DSG2: variants seen among roughly 807,000 people sequenced by gnomAD.
DSG2 encodes the protein desmoglein 2, also known as desmoglein-2.
Under a neutral mutation model 75.6 loss-of-function variants are expected in DSG2, and 45 were observed. The observed-to-expected ratio is 0.60, with a 90% CI of 0.47 to 0.76. The LOEUF (loss-of-function observed/expected upper bound fraction) is 0.76. Among genes scored for constraint, DSG2 ranks in the 30% least tolerant of loss-of-function variants. The probability of loss-of-function intolerance (pLI) is 0.00; values close to 1 mark genes in which losing one functional copy is unlikely to be tolerated. For synonymous variants in DSG2, 429 were observed against 483.9 expected, an observed-to-expected ratio of 0.89 and a Z score of 1.49; for missense variants, 1,267 against 1,357.4, an observed-to-expected ratio of 0.93 and a Z score of 1.05.
chr18:31,539,171 T>C (rs2073250971), intron 12 of DSG2, among the ~76,000 whole-genome samples, 193 bp downstream of exon 12: 1 of 152,188 alleles, frequency 6.6e-6, no homozygotes. Context: ...AGAATTTTGT[T>C]TTATAAATGT....
At chr18:31,541,112 G>A in intron 12 of DSG2, 81 bp from the exon 13 acceptor site, 1 of 1,586,440 alleles carries the variant, frequency 6.3e-7, no homozygotes, top group East Asian at 2.2e-5. Context: ...GAAGGGACAT[G>A]CAAATTCCAA....
chr18:31,508,399 T>G (rs1175474406), intron 1 of DSG2, among the ~76,000 whole-genome samples: 1 of 134,596 alleles, frequency 7.4e-6, no homozygotes, highest in Non-Finnish European at 1.6e-5. Flanking sequence ...TTTATTTTAT[T>G]TTATTTATTC....
At chr18:31,528,134 T>A (rs1022713173) in intron 8 of DSG2, among the ~76,000 whole-genome samples, 11 of 152,030 alleles carry the variant, frequency 7.2e-5, no homozygotes, top group African/African-American at 2.7e-4. Context: ...GCAGGCAGTT[T>A]GACAGTTTCT....
intron 1 of DSG2, among the ~76,000 whole-genome samples, chr18:31,501,982 G>A (rs1166215325): frequency 6.6e-6 from 1 of 152,172 alleles, no homozygotes; most frequent in Non-Finnish European, 1.5e-5. Context: ...ATTAGATGGT[G>A]AATATTGAAG....
Position 31,538,790 on chromosome 18 carries a change from G to A in DSG2, c.1691G>A (p.Gly564Glu). Residue 564 changes from glycine (G) to glutamate (E), a missense_variant, in exon 12 of 15, where the codon GGG becomes GAG. Transcript: ENST00000261590. Reference sequence around the variant, plus strand: ...CTGCAACAAAGTGAGAAAAAGCTTGGGAGAAGTGAAATTCAGTTCCTGATT... The same window carrying A: ...CTGCAACAAAGTGAGAAAAAGCTTGAGAGAAGTGAAATTCAGTTCCTGATT... ...VLLQQSEKKL[G>E]RSEIQFLISD... 6.2e-7 allele frequency: 1 copy of A among 1,614,174 alleles called. No individual in the cohort carries two copies. Among genetic ancestry groups the A allele is most frequent in the Non-Finnish European group, 8.5e-7 (1 of 1,180,040 alleles).
At chr18:31,498,387 CT>C in intron 1 of DSG2, 91 bp downstream of exon 1, 1 of 1,215,698 alleles carries the variant, frequency 8.2e-7, no homozygotes, top group Non-Finnish European at 1.0e-6. Flanking sequence ...GCCCGCCGCC[CT>C]TGTGCGCGTT....
intron 9 of DSG2, among the ~76,000 whole-genome samples, chr18:31,533,991 C>CTTTTTTTTTTTTT (rs55789239): frequency 1.6e-5 from 2 of 125,946 alleles, no homozygotes; most frequent in Non-Finnish European, 1.6e-5. Flanking sequence ...TCTTTTTTTT[C>CTTTTTTTTTTTTT]TTTTTTTTTT....
chr18:31,533,087 A>G (rs955725017), intron 9 of DSG2, among the ~76,000 whole-genome samples: 2 of 152,190 alleles, frequency 1.3e-5, no homozygotes, highest in Non-Finnish European at 2.9e-5. Context: ...GCTCAAACCT[A>G]TTATTTTACA....
At position 31,520,791 on chromosome 18, in the gene DSG2, T is replaced by A. The variant is rs1279432764; in HGVS notation, c.217-12T>A. The A allele has an allele frequency of 1.2e-6, 2 of 1,613,082 alleles. No individual in the cohort carries two copies. Among genetic ancestry groups the A allele is most frequent in the Admixed American group, 1.7e-5 (1 of 59,998 alleles). On this transcript the variant is annotated splice_polypyrimidine_tract_variant and intron_variant, in intron 3 of 14. Coordinates refer to ENST00000261590, the MANE Select transcript of DSG2 (RefSeq NM_001943.5). ...AGTTCAACCTGAAACATTCCTGTTATTTTTATGTTAGATACATTCTGATCT... is the reference window on the plus strand; with the variant it reads ...AGTTCAACCTGAAACATTCCTGTTAATTTTATGTTAGATACATTCTGATCT...
intron 8 of DSG2, among the ~76,000 whole-genome samples, chr18:31,526,113 A>C (rs2073161714): frequency 6.6e-6 from 1 of 152,132 alleles, no homozygotes; most frequent in Non-Finnish European, 1.5e-5. Flanking sequence ...CATTGCCCTC[A>C]AGCCTGGGCA....
chr18:31,541,130 C>A lies in DSG2; in HGVS notation c.1880-63C>A, dbSNP rs951878144. On this transcript the variant is annotated intron_variant, in intron 12 of 14. Transcript: ENST00000261590. ...GGGACATGCAAATTCCAAAATTGTGCAATATAAATTTAGAAATATATCAAG... is the reference window on the plus strand; with the variant it reads ...GGGACATGCAAATTCCAAAATTGTGAAATATAAATTTAGAAATATATCAAG... The A allele has an allele frequency of 1.6e-5, 25 of 1,608,366 alleles. No individual in the cohort carries two copies. In the East Asian group the frequency reaches 5.1e-4, roughly 33 times the overall value.
At position 31,508,463 on chromosome 18, in the gene DSG2, G is replaced by A. The variant is rs183971216; in HGVS notation, c.46-9776G>A. Among the ~76,000 whole-genome samples, 703 of 151,650 alleles carry A rather than the reference G, an allele frequency of 4.6e-3. 7 individuals are homozygous for A. The highest frequency in any genetic ancestry group is 0.016 in the African/African-American group (665 of 41,304). On this transcript the variant is annotated intron_variant, in intron 1 of 14. Coordinates refer to ENST00000261590, the MANE Select transcript of DSG2 (RefSeq NM_001943.5). ...GGCTGGAGTGCAGTGGCGCCATCTC[G>A]GCTCACTGCAACCTCCGCCTCCTGG...
In DSG2 at chr18:31,545,735, C is replaced by T; in HGVS notation, c.2349C>T (p.Tyr783=). 6.2e-7 allele frequency: 1 copy of T among 1,613,872 alleles called. No individual in the cohort carries two copies. The highest frequency in any genetic ancestry group is 8.5e-7 in the Non-Finnish European group (1 of 1,180,014). ...RNYFTDKAAS[Y]TEEDENHTAK... Reference sequence around the variant, plus strand: ...TTTCATTTTAGAAAGCGGCCTCTTACACTGAGGAAGATGAAAATCACACAG... The same window carrying T: ...TTTCATTTTAGAAAGCGGCCTCTTATACTGAGGAAGATGAAAATCACACAG... Residue 783 remains tyrosine, a synonymous_variant, in exon 15 of 15, where the codon TAC becomes TAT. Transcript: ENST00000261590.
Position 31,498,296 on chromosome 18 carries a change from G to A in DSG2, c.45G>A (p.Leu15=), listed in dbSNP as rs1303092705. ...PGRAYALLLL[L]ICFNVGSGLH... is the part of the protein sequence containing the mutation. ...GCGCGTACGCCCTGCTGCTTCTCCT[G>A]GTAAGTGCCGCAAGCGGGACAGGGG... Residue 15 remains leucine (L), a splice_region_variant and synonymous_variant, in exon 1 of 15, where the codon CTG becomes CTA. Coordinates refer to ENST00000261590, the MANE Select transcript of DSG2 (RefSeq NM_001943.5). 3 of 1,263,840 alleles carry A rather than the reference G, an allele frequency of 2.4e-6. No individual in the cohort carries two copies. Among genetic ancestry groups the A allele is most frequent in the Non-Finnish European group, 3.0e-6 (3 of 998,914 alleles). The allele number at this position is 1,263,840 out of a possible 1,614,324, so 78.3% of individuals were successfully genotyped here.
intron 6 of DSG2, 149 bp from the exon 7 acceptor site, chr18:31,524,299 A>C: frequency 8.9e-7 from 1 of 1,125,220 alleles, no homozygotes; most frequent in Non-Finnish European, 1.3e-6. Flanking sequence ...ACTGCAAGTA[A>C]ATAGTATCTT....
At chr18:31,524,007 A>C (rs2073144988) in intron 6 of DSG2, among the ~76,000 whole-genome samples, 1 of 152,228 alleles carries the variant, frequency 6.6e-6, no homozygotes, top group African/African-American at 2.4e-5. Context: ...TAGGACACAT[A>C]CTATAAGAAT....
At chr18:31,535,162 TAAG>T (rs2073221396) in intron 9 of DSG2, 105 bp from the exon 10 acceptor site, 9 of 824,750 alleles carry the variant, frequency 1.1e-5, no homozygotes, top group Non-Finnish European at 1.4e-5. Flanking sequence ...ATGCCTGTAA[TAAG>T]AACATATTTA....
In DSG2 at chr18:31,547,021, A is replaced by G. The variant is rs914973501; in HGVS notation, c.*278A>G. On this transcript the variant is annotated 3_prime_UTR_variant, in exon 15 of 15. Transcript: ENST00000261590. ...AAACAATCCTGATAAAACAAGATAC[A>G]TAGAGAGTCAATCTGGCTTCTGAGA... 1 of 487,396 alleles carries G rather than the reference A, an allele frequency of 2.1e-6. No homozygotes were observed. The highest frequency in any genetic ancestry group is 3.7e-6 in the Non-Finnish European group (1 of 267,602). The allele number at this position is 487,396 out of a possible 1,614,324, so 30.2% of individuals were successfully genotyped here.
intron 1 of DSG2, among the ~76,000 whole-genome samples, chr18:31,507,279 A>G (rs1282973904): frequency 1.3e-5 from 2 of 152,230 alleles, no homozygotes; most frequent in Non-Finnish European, 2.9e-5. Flanking sequence ...ATGGCTGCAT[A>G]GTATTCCATG....
Sources: allele counts gnomAD v4.1 joint callset (sites outside exome capture counted in the v4.1 genomes callset), GRCh38; gene constraint gnomAD v4.1.1; transcripts MANE v1.5; gene names NCBI Gene and HGNC (gene_info 2026-07-23, HGNC 2026-07-21).